Variants in FDFT1 observed in about 807,000 individuals in gnomAD.
The protein encoded by FDFT1 is farnesyl-diphosphate farnesyltransferase 1.
Under a neutral mutation model 46.8 loss-of-function variants are expected in FDFT1, and 68 were observed. That is an observed-to-expected ratio of 1.45 (90% CI 1.19 to 1.78). FDFT1 has a LOEUF of 1.78. Among genes scored for constraint, FDFT1 ranks in the 40% most tolerant of loss-of-function variants. The pLI is 0.00. For synonymous variants in FDFT1, 351 were observed against 185.1 expected (o/e 1.90, Z -7.28); for missense variants, 928 against 524.4 (o/e 1.77, Z -7.52).
At chr8:11,802,297 G>A (rs922243402), upstream of FDFT1, 1 of 390,180 alleles carries the variant, frequency 2.6e-6, no homozygotes, top group Admixed American at 3.0e-5. Flanking sequence ...CCGGCTGGCA[G>A]GAGCCACCGA....
intron 4 of FDFT1, among the ~76,000 whole-genome samples, chr8:11,823,574 G>C (rs892690862): frequency 1.3e-5 from 2 of 151,808 alleles, no homozygotes; most frequent in East Asian, 1.9e-4. Context: ...CTTTCAGTCA[G>C]AGACGACTTT....
intron 7 of FDFT1, chr8:11,831,911 C>T (rs1486569794): frequency 4.3e-5 from 17 of 397,912 alleles, no homozygotes; most frequent in Non-Finnish European, 1.4e-5. Context: ...TAGGTTGGAG[C>T]CCCTCAGTAG....
chr8:11,801,883 G>A, upstream of FDFT1: 2 of 447,388 alleles, frequency 4.5e-6, no homozygotes, highest in Non-Finnish European at 8.9e-6. Context: ...GTAGAGACGG[G>A]TTTCACCATG....
intron 1 of FDFT1, among the ~76,000 whole-genome samples, chr8:11,806,473 T>C (rs1806849528): frequency 6.6e-6 from 1 of 152,176 alleles, no homozygotes; most frequent in African/African-American, 2.4e-5. Context: ...GCAGCAGGGG[T>C]ACGAGCTGGA....
chr8:11,800,930 T>G (rs140580311), upstream of FDFT1, among the ~76,000 whole-genome samples: 98 of 152,204 alleles, frequency 6.4e-4, no homozygotes, highest in African/African-American at 2.3e-3. Flanking sequence ...GGTAGGGACT[T>G]AGGATTTTTA....
In FDFT1 at chr8:11,797,238, C is replaced by G. The variant is rs58313162; in HGVS notation, c.-94+1227C>G. ...TCTGGAGTCGAATCTCGCCTTCTATCTCATTTTGAGTTCCTTGGACTGCCT... is the reference window on the plus strand; with the variant it reads ...TCTGGAGTCGAATCTCGCCTTCTATGTCATTTTGAGTTCCTTGGACTGCCT... On this transcript the variant is annotated intron_variant, in intron 1 of 7. Transcript: ENST00000538689. Among the ~76,000 whole-genome samples the G allele has an allele frequency of 8.1e-3, 1,234 of 152,282 alleles. 20 individuals are homozygous for G. Among genetic ancestry groups the G allele is most frequent in the African/African-American group, 0.028 (1,170 of 41,546 alleles).
intron 3 of FDFT1, among the ~76,000 whole-genome samples, chr8:11,821,176 A>G (rs938335642): frequency 6.6e-6 from 1 of 152,256 alleles, no homozygotes; most frequent in African/African-American, 2.4e-5. Context: ...CTTTATGTTG[A>G]AGCATCTCAT....
intron 1 of FDFT1, among the ~76,000 whole-genome samples, chr8:11,806,268 C>T (rs1178097833): frequency 1.3e-5 from 2 of 152,154 alleles, no homozygotes; most frequent in Non-Finnish European, 2.9e-5. Flanking sequence ...AATAGATAAA[C>T]CCAAGAGGGA....
intron 3 of FDFT1, among the ~76,000 whole-genome samples, chr8:11,816,282 A>C (rs575899946): frequency 2.6e-5 from 4 of 152,282 alleles, no homozygotes; most frequent in African/African-American, 9.6e-5. Flanking sequence ...CTTGTAGTAT[A>C]GTTTGAAGTC....
Position 11,825,955 on chromosome 8 carries a change from A to G in FDFT1, c.511-69A>G, listed in dbSNP as rs1022247328. On this transcript the variant is annotated intron_variant, in intron 4 of 7. Coordinates refer to ENST00000220584, the MANE Select transcript of FDFT1 (RefSeq NM_004462.5). ...TTTTGAACCTGCTTTTTTGTAGCTA[A>G]TGATCTCTAGTGTGTCCATTTCAGT... 7.2e-6 allele frequency: 8 copies of G among 1,105,282 alleles called. No individual in the cohort carries two copies. The African/African-American group carries it at 1.3e-4, about 17-fold the overall frequency. The allele number at this position is 1,105,282 out of a possible 1,614,324, so 68.5% of individuals were successfully genotyped here.
chr8:11,828,587 G>A (rs1305649224), intron 5 of FDFT1, among the ~76,000 whole-genome samples: 1 of 152,248 alleles, frequency 6.6e-6, no homozygotes, highest in African/African-American at 2.4e-5. Context: ...GCATGAGCGT[G>A]AGCCACACCA....
At chr8:11,826,462 C>T (rs1004160451) in intron 5 of FDFT1, among the ~76,000 whole-genome samples, 1 of 152,132 alleles carries the variant, frequency 6.6e-6, no homozygotes, top group Admixed American at 6.6e-5. Flanking sequence ...CGGTCTTTCT[C>T]CAAGTGGTGG....
chr8:11,835,424 G>C (rs1371042018), intron 7 of FDFT1, among the ~76,000 whole-genome samples: 2 of 152,178 alleles, frequency 1.3e-5, no homozygotes, highest in East Asian at 3.8e-4. Flanking sequence ...TTATATGTTA[G>C]AAATGATCAT....
intron 2 of FDFT1, chr8:11,809,322 C>T: frequency 5.5e-6 from 6 of 1,090,052 alleles, no homozygotes; most frequent in South Asian, 3.4e-5. Flanking sequence ...TGAGAAGTTA[C>T]TGTGTTTTTT....
chr8:11,828,656 T>C (rs1296324037), intron 5 of FDFT1, among the ~76,000 whole-genome samples: 1 of 152,244 alleles, frequency 6.6e-6, no homozygotes, highest in Non-Finnish European at 1.5e-5. Flanking sequence ...ATCTGTAAAA[T>C]AGCATCATTT....
At chr8:11,821,302 G>T (rs1003919491) in intron 3 of FDFT1, among the ~76,000 whole-genome samples, 2 of 152,194 alleles carry the variant, frequency 1.3e-5, no homozygotes, top group African/African-American at 4.8e-5. Context: ...GAAATAATAA[G>T]AAACATGAGG....
chr8:11,799,956 A>G (rs1204371008), upstream of FDFT1, among the ~76,000 whole-genome samples: 1 of 147,486 alleles, frequency 6.8e-6, no homozygotes, highest in African/African-American at 2.5e-5. Flanking sequence ...AAAAAAAAAA[A>G]AAATGAAGAA....
intron 1 of FDFT1, chr8:11,808,412 C>G: frequency 2.4e-6 from 3 of 1,254,982 alleles, no homozygotes; most frequent in Non-Finnish European, 3.0e-6. Context: ...GTGGGTCGGC[C>G]CAGCGCGTAT....
At chr8:11,809,260 A>G (rs910170335) in intron 2 of FDFT1, 4 of 1,126,864 alleles carry the variant, frequency 3.5e-6, no homozygotes, top group South Asian at 5.4e-5. Context: ...CTCTGTGCAC[A>G]TTACACCCAT....
Sources: gnomAD v4.1 joint callset for allele counts (sites outside exome capture counted in the v4.1 genomes callset) on GRCh38, gnomAD v4.1.1 for gene constraint, MANE v1.5 for transcripts, NCBI Gene and HGNC (gene_info 2026-07-23, HGNC 2026-07-21) for gene names.